INPP5F: variants seen among roughly 807,000 people sequenced by gnomAD.
The protein encoded by INPP5F is inositol polyphosphate-5-phosphatase F, also known as phosphatidylinositide 4-phosphatase SAC2.
In INPP5F, 97 loss-of-function variants were observed where a neutral mutation model predicts 137.2. The observed-to-expected ratio is 0.71, with a 90% confidence interval of 0.60 to 0.84. The LOEUF (loss-of-function observed/expected upper bound fraction) is 0.84, where lower values mean the gene tolerates loss of function less well. Among genes scored for constraint, INPP5F ranks in the 40% least tolerant of loss-of-function variants. INPP5F has a pLI of 0.00. For synonymous variants in INPP5F, 504 were observed against 476.9 expected (o/e 1.06, Z -0.74); for missense variants, 1,271 against 1,371.9 (o/e 0.93, Z 1.16).
intron 9 of INPP5F, among the ~76,000 whole-genome samples, chr10:119,800,735 T>C (rs578237083): frequency 3.9e-5 from 6 of 152,054 alleles, no homozygotes; most frequent in Middle Eastern, 3.4e-3. Flanking sequence ...CCAGAATGGC[T>C]AACATAAAAA....
chr10:119,820,812 A>G, intron 15 of INPP5F, 34 bp from the exon 16 acceptor site: 1 of 1,538,006 alleles, frequency 6.5e-7, no homozygotes, highest in African/African-American at 1.4e-5. Flanking sequence ...GATGGAAATG[A>G]AAATACTTAA....
At chr10:119,806,549 T>C in intron 12 of INPP5F, 69 bp downstream of exon 12, 1 of 1,378,210 alleles carries the variant, frequency 7.3e-7, no homozygotes, top group Non-Finnish European at 9.8e-7. Context: ...AGTAAGCAAA[T>C]AGCTAAATAT....
chr10:119,765,331 T>C (rs1344513291), intron 2 of INPP5F, among the ~76,000 whole-genome samples: 1 of 152,138 alleles, frequency 6.6e-6, no homozygotes, highest in Non-Finnish European at 1.5e-5. Context: ...AGTAGTAGGC[T>C]TTTCATAGTT....
intron 15 of INPP5F, chr10:119,819,956 T>C (rs1851487351): frequency 2.0e-5 from 3 of 153,486 alleles, no homozygotes; most frequent in Admixed American, 6.5e-5. Context: ...GTCTAGGGAA[T>C]AGGTATGAAA....
intron 3 of INPP5F, among the ~76,000 whole-genome samples, chr10:119,783,309 G>A (rs570181479): frequency 2.7e-4 from 41 of 152,180 alleles, no homozygotes; most frequent in Admixed American, 2.5e-3. Context: ...TGTTATCACA[G>A]ACCTTTCCCT....
At chr10:119,733,710 G>A (rs977222922) in intron 1 of INPP5F, among the ~76,000 whole-genome samples, 1 of 152,226 alleles carries the variant, frequency 6.6e-6, no homozygotes, top group African/African-American at 2.4e-5. Flanking sequence ...TGGAGGAGAG[G>A]TAGTATCAAG....
chr10:119,817,420 C>T (rs575732638), intron 15 of INPP5F, among the ~76,000 whole-genome samples: 2 of 152,320 alleles, frequency 1.3e-5, no homozygotes, highest in South Asian at 2.1e-4. Flanking sequence ...ACAGTGGCCA[C>T]GCCGTTTTAC....
chr10:119,794,812 C>T (rs564044073), intron 6 of INPP5F, among the ~76,000 whole-genome samples: 14 of 122,664 alleles, frequency 1.1e-4, no homozygotes, highest in African/African-American at 3.9e-4. Context: ...CCCCACCTCC[C>T]TCCCTCCCAG....
At chr10:119,771,761 A>G (rs116410819) in intron 2 of INPP5F, among the ~76,000 whole-genome samples, 2 of 148,538 alleles carry the variant, frequency 1.3e-5, no homozygotes, top group Non-Finnish European at 3.0e-5. Flanking sequence ...AGTCTGATAC[A>G]AAGTGATCTT....
chr10:119,821,718 CCCTTCATCTCTG>C (rs1851569290), intron 16 of INPP5F, among the ~76,000 whole-genome samples: 9 of 120,616 alleles, frequency 7.5e-5, no homozygotes, highest in Non-Finnish European at 1.5e-4. Flanking sequence ...CTCTCTCCCT[CCCTTCATCTCTG>C]CCTCCCTCCG....
At chr10:119,795,491 A>G (rs1487363223) in intron 6 of INPP5F, among the ~76,000 whole-genome samples, 1 of 148,478 alleles carries the variant, frequency 6.7e-6, no homozygotes, top group African/African-American at 2.5e-5. Context: ...GCGGCCGGGC[A>G]GAGACGCTCC....
intron 15 of INPP5F, among the ~76,000 whole-genome samples, chr10:119,817,077 A>G (rs374613159): frequency 6.6e-6 from 1 of 152,310 alleles, no homozygotes; most frequent in South Asian, 2.1e-4. Flanking sequence ...ATTTCATTCA[A>G]GTGGAATAAT....
intron 2 of INPP5F, among the ~76,000 whole-genome samples, chr10:119,752,952 C>CT (rs34756292): frequency 0.046 from 6,491 of 139,984 alleles, 225 homozygotes; most frequent in South Asian, 0.23. Flanking sequence ...TTTTTTCTTT[C>CT]TTTTTTTTTT....
In INPP5F at chr10:119,730,714, T is replaced by C. The variant is rs1397983093; in HGVS notation, c.97+4355T>C. ...GCGACCAAGAAGAGATCTCAAAGCATCTGTCATACACATAACATTCATAAA... is the reference window on the plus strand; with the variant it reads ...GCGACCAAGAAGAGATCTCAAAGCACCTGTCATACACATAACATTCATAAA... On this transcript the variant is annotated intron_variant, in intron 1 of 19. Coordinates refer to ENST00000650623, the MANE Select transcript of INPP5F (RefSeq NM_014937.4). Among the ~76,000 whole-genome samples the C allele has an allele frequency of 2.6e-5, 4 of 152,178 alleles. No individual in the cohort carries two copies. In the East Asian group the frequency reaches 7.7e-4, roughly 29 times the overall value.
chr10:119,772,222 T>C (rs1180377105), intron 2 of INPP5F, among the ~76,000 whole-genome samples: 1 of 151,896 alleles, frequency 6.6e-6, no homozygotes, highest in Non-Finnish European at 1.5e-5. Context: ...TTGGGGACAT[T>C]ACCTTTTTCT....
intron 14 of INPP5F, 131 bp downstream of exon 14, chr10:119,810,348 C>G: frequency 2.0e-6 from 1 of 499,690 alleles, no homozygotes; most frequent in Non-Finnish European, 3.5e-6. Flanking sequence ...GCATCTTACC[C>G]AATATATCAA....
intron 1 of INPP5F, among the ~76,000 whole-genome samples, chr10:119,730,203 G>A (rs196216): frequency 0.97 from 147,845 of 151,914 alleles, 72,074 homozygotes; most frequent in Middle Eastern, 1. Flanking sequence ...TCCACCTCCC[G>A]GGTTCAAGCG....
intron 2 of INPP5F, among the ~76,000 whole-genome samples, chr10:119,772,578 G>C (rs1342123988): frequency 3.3e-5 from 5 of 152,084 alleles, no homozygotes; most frequent in Non-Finnish European, 7.4e-5. Context: ...TCTGGATTAT[G>C]TATCATGCTT....
intron 3 of INPP5F, among the ~76,000 whole-genome samples, chr10:119,785,286 G>GTTGTTTTTTTTTTTTTTTTT (rs770290302): frequency 1.9e-5 from 2 of 106,228 alleles, no homozygotes; most frequent in African/African-American, 7.5e-5. Context: ...CTGCCAGACT[G>GTTGTTTTTTTTTTTTTTTTT]TTTTTTTTTT....
Sources: gnomAD v4.1 joint callset for allele counts (sites outside exome capture counted in the v4.1 genomes callset) on GRCh38, gnomAD v4.1.1 for gene constraint, MANE v1.5 for transcripts, NCBI Gene and HGNC (gene_info 2026-07-23, HGNC 2026-07-21) for gene names.